Variants in ANKRD30B observed in about 807,000 individuals in gnomAD.
The protein encoded by ANKRD30B is ankyrin repeat domain 30B.
Under a neutral mutation model 202.2 loss-of-function variants are expected in ANKRD30B, and 144 were observed. That is an observed-to-expected ratio of 0.71 (90% CI 0.62 to 0.82). The LOEUF (loss-of-function observed/expected upper bound fraction) is 0.82, where lower values mean the gene tolerates loss of function less well. ANKRD30B is among the 40% of genes least tolerant of loss of function. The pLI is 0.00. For synonymous variants in ANKRD30B, 508 were observed against 561.3 expected, an observed-to-expected ratio of 0.91 and a Z score of 1.34; for missense variants, 1,487 against 1,669.1, an observed-to-expected ratio of 0.89 and a Z score of 1.90.
At chr18:14,772,504 A>T (rs1967068705) in intron 9 of ANKRD30B, among the ~76,000 whole-genome samples, 1 of 152,200 alleles carries the variant, frequency 6.6e-6, no homozygotes, top group East Asian at 1.9e-4. Flanking sequence ...ACTAGAAAAA[A>T]CTTTTCCACA....
At chr18:14,798,933 A>G (rs1969119154) in intron 20 of ANKRD30B, among the ~76,000 whole-genome samples, 168 bp from the exon 21 acceptor site, 2 of 152,156 alleles carry the variant, frequency 1.3e-5, no homozygotes, top group South Asian at 4.1e-4. Context: ...GTCTCCCTAC[A>G]GTTGGCATGT....
chr18:14,806,635 T>A (rs1415831333), intron 24 of ANKRD30B, among the ~76,000 whole-genome samples: 6 of 149,434 alleles, frequency 4.0e-5, no homozygotes, highest in African/African-American at 1.0e-4. Flanking sequence ...ATAAATAGGA[T>A]TCCTAAATGC....
chr18:14,880,766 T>C, the ANKRD30B span, among the ~76,000 whole-genome samples: 2 of 152,148 alleles, frequency 1.3e-5, no homozygotes, highest in Admixed American at 1.3e-4. Context: ...TTTTGTAATT[T>C]TCACTGTAGA....
intron 24 of ANKRD30B, among the ~76,000 whole-genome samples, chr18:14,805,194 A>G (rs1200147919): frequency 1.3e-5 from 2 of 150,988 alleles, no homozygotes; most frequent in Admixed American, 6.6e-5. Flanking sequence ...ATAAAACCTC[A>G]TTAGCGAATA....
chr18:14,752,488 T>A (rs1250377688), intron 1 of ANKRD30B, 78 bp from the exon 2 acceptor site: 8 of 1,019,378 alleles, frequency 7.8e-6, no homozygotes, highest in Non-Finnish European at 1.2e-5. Flanking sequence ...TGGTATTTAA[T>A]GTTTACAATT....
chr18:14,791,429 A>G lies in ANKRD30B; in HGVS notation c.1763A>G (p.Asp588Gly). 2.5e-6 allele frequency: 4 copies of G among 1,610,898 alleles called. No individual in the cohort carries two copies. The highest frequency in any genetic ancestry group is 3.4e-6 in the Non-Finnish European group (4 of 1,178,852). Reference sequence around the variant, plus strand: ...CCCTGTGAGACGGTTTCACAGAAGGATGTGTATTTACCCAAAGCTACACAT... The same window carrying G: ...CCCTGTGAGACGGTTTCACAGAAGGGTGTGTATTTACCCAAAGCTACACAT... ...ESPCETVSQK[D>G]VYLPKATHQK... Residue 588 changes from aspartate to glycine, a missense_variant, in exon 16 of 44, where the codon GAT becomes GGT. Physicochemically the swap from Asp to Gly is moderately conservative, Grantham distance 94. Around this residue, in one of 6 missense-constraint regions of ANKRD30B, gnomAD observed 889 missense variants for 841.4 expected, o/e 1.06. Transcript: ENST00000690538.
chr18:14,809,202 G>C (rs959691713), intron 26 of ANKRD30B, among the ~76,000 whole-genome samples: 2 of 150,720 alleles, frequency 1.3e-5, no homozygotes, highest in Non-Finnish European at 3.0e-5. Flanking sequence ...TGGTCACATG[G>C]GGATGAAGTA....
chr18:14,871,869 G>C, the ANKRD30B span, among the ~76,000 whole-genome samples: 4 of 152,220 alleles, frequency 2.6e-5, no homozygotes, highest in African/African-American at 9.7e-5. Flanking sequence ...ATTACAATGA[G>C]GGTCCAGAGT....
At chr18:14,924,636 G>A in the ANKRD30B span, among the ~76,000 whole-genome samples, 1 of 152,256 alleles carries the variant, frequency 6.6e-6, no homozygotes, top group African/African-American at 2.4e-5. Flanking sequence ...TCAGACAGAC[G>A]AGGTCCATGA....
At chr18:14,864,574 C>T in the ANKRD30B span, among the ~76,000 whole-genome samples, 1 of 151,826 alleles carries the variant, frequency 6.6e-6, no homozygotes, top group East Asian at 1.9e-4. Context: ...TTACCGCTCA[C>T]TTCCATTTTC....
chr18:14,756,918 A>G (rs1225281787), intron 4 of ANKRD30B, among the ~76,000 whole-genome samples: 2 of 152,218 alleles, frequency 1.3e-5, no homozygotes, highest in African/African-American at 2.4e-5. Context: ...AATATTAAAT[A>G]GAAACAGGAG....
the ANKRD30B span, among the ~76,000 whole-genome samples, chr18:14,872,451 T>C: frequency 6.6e-6 from 1 of 152,152 alleles, no homozygotes; most frequent in Non-Finnish European, 1.5e-5. Context: ...AGAGACCTTG[T>C]TTTTTATTCT....
intron 34 of ANKRD30B, 38 bp downstream of exon 34, chr18:14,831,493 G>T (rs2143091798): frequency 8.6e-7 from 1 of 1,163,850 alleles, no homozygotes; most frequent in Admixed American, 2.5e-5. Context: ...TTCTCAGTTG[G>T]AATCTAATTC....
the ANKRD30B span, among the ~76,000 whole-genome samples, chr18:14,938,845 C>A: frequency 1.4e-3 from 219 of 152,112 alleles, 2 homozygotes; most frequent in African/African-American, 5.1e-3. Flanking sequence ...AAACTTGGAT[C>A]AGACAAAAAA....
rs559552366 is a variant in ANKRD30B, at chr18:14,755,369, TTCTC to T, written c.617+366_617+369del. ...AACAGTTTTATAGTATTTTTCTAAC[TTCTC>T]TTTTTTATACACTTTTTTAATTTCT... On this transcript the variant is annotated intron_variant, in intron 4 of 43. Transcript: ENST00000690538. Among the ~76,000 whole-genome samples the T allele has an allele frequency of 4.8e-3, 727 of 152,188 alleles. 7 individuals carry two copies. The highest frequency in any genetic ancestry group is 0.017 in the African/African-American group (688 of 41,512).
the ANKRD30B span, among the ~76,000 whole-genome samples, chr18:14,903,108 A>T: frequency 6.6e-6 from 1 of 152,122 alleles, no homozygotes; most frequent in Non-Finnish European, 1.5e-5. Context: ...GGCTCTCCTG[A>T]CTTCAGGTGG....
the ANKRD30B span, among the ~76,000 whole-genome samples, chr18:14,912,797 C>T: frequency 0.016 from 2,465 of 152,304 alleles, 32 homozygotes; most frequent in Non-Finnish European, 0.024. Context: ...AATTACTCAT[C>T]ATTGTTCTGT....
At chr18:14,875,685 G>GAC in the ANKRD30B span, among the ~76,000 whole-genome samples, 7 of 152,288 alleles carry the variant, frequency 4.6e-5, no homozygotes, top group Admixed American at 3.9e-4. Context: ...GGGCACTGGT[G>GAC]CACAATTTCA....
At chr18:14,773,896 C>A (rs1249441833) in intron 9 of ANKRD30B, among the ~76,000 whole-genome samples, 1 of 152,038 alleles carries the variant, frequency 6.6e-6, no homozygotes, top group Non-Finnish European at 1.5e-5. Flanking sequence ...CCTCATGATC[C>A]GCCCGCCTTG....
Sources: allele counts gnomAD v4.1 joint callset (sites outside exome capture counted in the v4.1 genomes callset), GRCh38; gene constraint gnomAD v4.1.1; regional missense constraint gnomAD v4.1.1; transcripts MANE v1.5; gene names NCBI Gene and HGNC (gene_info 2026-07-23, HGNC 2026-07-21).